The following ZMYND8 variants were observed in gnomAD, a reference collection of about 807,000 sequenced individuals.
ZMYND8 encodes zinc finger MYND-type containing 8, also known as MYND-type zinc finger-containing chromatin reader ZMYND8.
In ZMYND8, 37 loss-of-function variants were observed where a neutral mutation model predicts 140.8. The observed-to-expected ratio is 0.26, with a 90% CI of 0.20 to 0.35. The LOEUF (loss-of-function observed/expected upper bound fraction) is 0.35. Ranked by LOEUF, ZMYND8 falls within the 10% of genes least tolerant of loss-of-function variation. ZMYND8 has a pLI of 1.00. For synonymous variants in ZMYND8, 592 were observed against 597.1 expected (o/e 0.99, Z 0.12); for missense variants, 1,068 against 1,570.0 (o/e 0.68, Z 5.40).
intron 15 of ZMYND8, among the ~76,000 whole-genome samples, chr20:47,237,116 A>C (rs542411582): frequency 2.0e-4 from 31 of 151,706 alleles, no homozygotes; most frequent in African/African-American, 7.3e-4. Flanking sequence ...GGCGTAAGAC[A>C]ATCTGAAGCA....
intron 5 of ZMYND8, among the ~76,000 whole-genome samples, chr20:47,294,449 G>A (rs150874792): frequency 6.6e-6 from 1 of 152,134 alleles, no homozygotes; most frequent in East Asian, 1.9e-4. Context: ...ACAGACTAAT[G>A]TACCAATTAA....
intron 1 of ZMYND8, among the ~76,000 whole-genome samples, chr20:47,350,263 C>T (rs977116502): frequency 1.4e-5 from 2 of 147,444 alleles, no homozygotes. Flanking sequence ...CATGCACGCA[C>T]ACTCACACAC....
At chr20:47,215,347 T>C (rs980908335) in intron 21 of ZMYND8, among the ~76,000 whole-genome samples, 2 of 152,062 alleles carry the variant, frequency 1.3e-5, no homozygotes, top group Non-Finnish European at 2.9e-5. Flanking sequence ...CACTCCAGCC[T>C]GGGCAACAGT....
chr20:47,217,417 T>C (rs371023762), intron 21 of ZMYND8, among the ~76,000 whole-genome samples: 1 of 152,172 alleles, frequency 6.6e-6, no homozygotes, highest in Admixed American at 6.5e-5. Flanking sequence ...TCAAGAAATA[T>C]GAGAGATGCT....
At chr20:47,309,785 A>C (rs1161172092) in intron 3 of ZMYND8, among the ~76,000 whole-genome samples, 1 of 152,096 alleles carries the variant, frequency 6.6e-6, no homozygotes, top group African/African-American at 2.4e-5. Context: ...AAAAAATACA[A>C]ATACAAGGAA....
At chr20:47,265,919 T>G (rs1217350356) in intron 11 of ZMYND8, among the ~76,000 whole-genome samples, 1 of 152,172 alleles carries the variant, frequency 6.6e-6, no homozygotes, top group Non-Finnish European at 1.5e-5. Flanking sequence ...ATGGCAAGAA[T>G]AAGGGTGTCA....
At chr20:47,283,532 G>C (rs750784273) in intron 9 of ZMYND8, 39 bp downstream of exon 9, 1 of 1,608,370 alleles carries the variant, frequency 6.2e-7, no homozygotes, top group Non-Finnish European at 8.5e-7. Context: ...CAAGGCACAG[G>C]GTTCAGTAAA....
At chr20:47,290,895 A>G (rs2077224632) in intron 6 of ZMYND8, among the ~76,000 whole-genome samples, 1 of 152,052 alleles carries the variant, frequency 6.6e-6, no homozygotes, top group Admixed American at 6.6e-5. Context: ...CCGGCCAAAC[A>G]GGGTATTTCA....
chr20:47,219,523 C>CAA lies in ZMYND8; in HGVS notation c.3484+733_3484+734dup, dbSNP rs11482247. On this transcript the variant is annotated intron_variant, in intron 21 of 22. Coordinates refer to ENST00000471951, the MANE Select transcript of ZMYND8 (RefSeq NM_001281775.3). ...CCTGGGCGACAGGGCAAGACTGTCT[C>CAA]AAAAAAAAAAAAAAATCATCATCAG... is the stretch of plus-strand genomic sequence containing the variant. Among the ~76,000 whole-genome samples the CAA allele has an allele frequency of 1.4e-3, 193 of 135,042 alleles. 1 individual carries two copies. The highest frequency in any genetic ancestry group is 2.4e-3 in the South Asian group (10 of 4,124). The allele number at this position is 135,042 out of a possible 152,430, so 88.6% of individuals were successfully genotyped here.
At chr20:47,255,561 AGTGTGTGTGTGTGTGT>A (rs141205253) in intron 12 of ZMYND8, among the ~76,000 whole-genome samples, 4,060 of 120,012 alleles carry the variant, frequency 0.034, 217 homozygotes, top group East Asian at 0.16. Context: ...ACATATACTC[AGTGTGTGTGTGTGTGT>A]GTGTGTGTGT....
chr20:47,225,793 G>A (rs867215957), intron 18 of ZMYND8, among the ~76,000 whole-genome samples: 19 of 151,876 alleles, frequency 1.3e-4, no homozygotes, highest in African/African-American at 4.6e-4. Context: ...TTTTTCAAAT[G>A]TGCAGTCAAC....
chr20:47,343,259 T>TG (rs1312111494), intron 2 of ZMYND8, among the ~76,000 whole-genome samples: 2 of 152,198 alleles, frequency 1.3e-5, no homozygotes, highest in Non-Finnish European at 2.9e-5. Flanking sequence ...CACTCCAGCC[T>TG]GGGCAGCAGA....
intron 3 of ZMYND8, among the ~76,000 whole-genome samples, chr20:47,307,031 G>A (rs2078541308): frequency 6.6e-6 from 1 of 152,102 alleles, no homozygotes; most frequent in African/African-American, 2.4e-5. Flanking sequence ...CTGAATGCTT[G>A]TGTACCTCCC....
At chr20:47,264,744 A>T (rs2075386868) in intron 11 of ZMYND8, among the ~76,000 whole-genome samples, 1 of 152,218 alleles carries the variant, frequency 6.6e-6, no homozygotes, top group Non-Finnish European at 1.5e-5. Flanking sequence ...ACACGAAGAA[A>T]CAAGAATATG....
At chr20:47,314,452 T>C (rs773685368) in intron 2 of ZMYND8, among the ~76,000 whole-genome samples, 2 of 152,082 alleles carry the variant, frequency 1.3e-5, no homozygotes, top group African/African-American at 2.4e-5. Context: ...TGAGCCAAGA[T>C]TGCACCACTG....
chr20:47,315,380 G>A (rs1355557798), intron 2 of ZMYND8, among the ~76,000 whole-genome samples: 9 of 152,268 alleles, frequency 5.9e-5, no homozygotes, highest in African/African-American at 2.2e-4. Context: ...TGTATCCAAG[G>A]GGTCGAAATT....
At chr20:47,225,228 C>T (rs778417865) in intron 18 of ZMYND8, among the ~76,000 whole-genome samples, 4 of 151,978 alleles carry the variant, frequency 2.6e-5, no homozygotes, top group African/African-American at 9.7e-5. Flanking sequence ...CAGTTAAGTC[C>T]ACTGGTAATT....
Position 47,224,495 on chromosome 20 carries a change from C to T in ZMYND8, c.3078G>A (p.Glu1026=), listed in dbSNP as rs2037410907. The T allele has an allele frequency of 1.9e-6, 3 of 1,614,108 alleles. No homozygotes were observed. The highest frequency in any genetic ancestry group is 2.7e-5 in the African/African-American group (2 of 74,946). The change falls in exon 19 of 23, where the codon GAG becomes GAA. Residue 1026 remains glutamate (E), a synonymous_variant. Transcript: ENST00000471951. ...TCTCCAACTCCAGCTGCTTCTTCAC[C>T]TCGGCGATGAGCCGGTCCCGCTCCT... ...LEQERDRLIA[E]VKKQLELEKQ...
In ZMYND8 at chr20:47,298,262, T is replaced by C. The variant is rs1423897455; in HGVS notation, c.453+467A>G. 1 of 985,226 alleles carries C rather than the reference T, an allele frequency of 1.0e-6. No individual in the cohort carries two copies. The highest frequency in any genetic ancestry group is 1.7e-5 in the African/African-American group (1 of 57,206). 61.0% of individuals were successfully genotyped at this position (985,226 alleles called of 1,614,324 possible). ...TAATAGGCACTCAAGAAATACTTGT[T>C]GCACAAAAGAAAGCACCAGACGGCC... On this transcript the variant is annotated intron_variant, in intron 4 of 22. Transcript: ENST00000471951. The surrounding 1 kb of genome is among the most constrained non-coding windows in gnomAD (Gnocchi z 5.0).
Sources: gnomAD v4.1 joint callset for allele counts (sites outside exome capture counted in the v4.1 genomes callset) on GRCh38, gnomAD v4.1.1 for gene constraint, Gnocchi (gnomAD v3.1) non-coding constraint, MANE v1.5 for transcripts, NCBI Gene and HGNC (gene_info 2026-07-23, HGNC 2026-07-21) for gene names.